Variants in EPB41L5 observed in about 807,000 individuals in gnomAD.
EPB41L5 encodes the protein band 4.1-like protein 5.
A neutral mutation model predicts 106.6 loss-of-function variants in EPB41L5; 55 were observed. That is an observed-to-expected ratio of 0.52 (90% CI 0.42 to 0.65). The LOEUF (loss-of-function observed/expected upper bound fraction) is 0.65, where lower values mean the gene tolerates loss of function less well. Among genes scored for constraint, EPB41L5 ranks in the 30% least tolerant of loss-of-function variants. EPB41L5 has a pLI of 0.00. For synonymous variants in EPB41L5, 297 were observed against 306.7 expected (o/e 0.97, Z 0.33); for missense variants, 871 against 882.1 (o/e 0.99, Z 0.16).
intron 1 of EPB41L5, among the ~76,000 whole-genome samples, chr2:120,018,343 A>G (rs998451588): frequency 6.6e-5 from 10 of 152,098 alleles, no homozygotes; most frequent in Admixed American, 4.6e-4. Flanking sequence ...GATGTTGTAC[A>G]TATAATTTAT....
At chr2:120,164,784 C>T in intron 21 of EPB41L5, 52 bp from the exon 22 acceptor site, 1 of 1,319,778 alleles carries the variant, frequency 7.6e-7, no homozygotes, top group Non-Finnish European at 1.1e-6. Flanking sequence ...AAAAACTTAA[C>T]ATCTGATGAT....
At chr2:120,021,744 A>C (rs1409643263) in intron 2 of EPB41L5, among the ~76,000 whole-genome samples, 1 of 152,220 alleles carries the variant, frequency 6.6e-6, no homozygotes, top group African/African-American at 2.4e-5. Flanking sequence ...GGCCTGTTTT[A>C]CTAAATTGTC....
chr2:120,067,318 A>T (rs1439567566), intron 3 of EPB41L5, among the ~76,000 whole-genome samples: 1 of 152,270 alleles, frequency 6.6e-6, no homozygotes, highest in Admixed American at 6.5e-5. Context: ...TGGCAAGAAA[A>T]GTAAACAGTT....
Position 120,091,563 on chromosome 2 carries a change from CAG to C in EPB41L5, c.1055_1056del (p.Glu352ValfsTer8). The stretch of plus-strand genomic sequence containing the variant: ...TGTTATGCCTCATTTAGTGGGAAAA[CAG>C]AGTATCAGACCACAAAAACCAATAA... On this transcript the variant is annotated frameshift_variant, in exon 13 of 25. Transcript: ENST00000263713. LOFTEE classifies it high-confidence loss of function. 6.2e-7 allele frequency: 1 copy of C among 1,613,028 alleles called. No individual in the cohort carries two copies. The highest frequency in any genetic ancestry group is 8.5e-7 in the Non-Finnish European group (1 of 1,179,368).
rs537746431 is a variant in EPB41L5 at position 120,054,112 on chromosome 2, A to G, written c.285+12002A>G. On this transcript the variant is annotated intron_variant, in intron 3 of 24. Transcript: ENST00000263713. ...GTTTAGCCATCCTAGTTGGTATGAA[A>G]TGGTGTCTCATTGTGGTTTCGATTT... Among the ~76,000 whole-genome samples the G allele has an allele frequency of 2.3e-4, 35 of 152,226 alleles. No individual in the cohort carries two copies. The South Asian group carries it at 6.6e-3, about 29-fold the overall frequency.
At chr2:120,165,564 T>C (rs886095038) in intron 22 of EPB41L5, among the ~76,000 whole-genome samples, 2 of 152,178 alleles carry the variant, frequency 1.3e-5, no homozygotes, top group African/African-American at 2.4e-5. Flanking sequence ...CATCCTTTTT[T>C]TCCCTCCAAA....
intron 2 of EPB41L5, among the ~76,000 whole-genome samples, chr2:120,040,719 A>C (rs950822043): frequency 5.3e-5 from 8 of 152,222 alleles, no homozygotes; most frequent in African/African-American, 1.9e-4. Flanking sequence ...AAGTATGTCT[A>C]TAAAACTTGA....
intron 20 of EPB41L5, among the ~76,000 whole-genome samples, chr2:120,151,511 T>A (rs920334262): frequency 6.6e-6 from 1 of 151,958 alleles, no homozygotes; most frequent in Non-Finnish European, 1.5e-5. Flanking sequence ...GGCAAAAGAC[T>A]TGTACACTGA....
chr2:120,113,130 C>T (rs1030256080), intron 16 of EPB41L5, among the ~76,000 whole-genome samples: 6 of 152,298 alleles, frequency 3.9e-5, no homozygotes, highest in Middle Eastern at 3.4e-3. Flanking sequence ...AGAATCAGGT[C>T]AGTTTTCATG....
intron 18 of EPB41L5, among the ~76,000 whole-genome samples, chr2:120,140,149 G>A (rs1383925320): frequency 6.6e-6 from 1 of 152,040 alleles, no homozygotes; most frequent in Non-Finnish European, 1.5e-5. Flanking sequence ...CAGATGGGAA[G>A]GGTAGTATGG....
chr2:120,118,072 G>A (rs760435839), intron 16 of EPB41L5, among the ~76,000 whole-genome samples: 1 of 152,112 alleles, frequency 6.6e-6, no homozygotes, highest in African/African-American at 2.4e-5. Flanking sequence ...GAATTTAATA[G>A]AGTTTTCCTC....
chr2:120,139,622 A>T (rs561451446), intron 18 of EPB41L5, among the ~76,000 whole-genome samples: 27 of 152,154 alleles, frequency 1.8e-4, no homozygotes, highest in Non-Finnish European at 2.6e-4. Context: ...TCAAAACTCC[A>T]GTGAGATATC....
At chr2:120,026,351 CTGTTTTTTTGTT>C (rs1417497366) in intron 2 of EPB41L5, among the ~76,000 whole-genome samples, 1 of 144,562 alleles carries the variant, frequency 6.9e-6, no homozygotes, top group East Asian at 2.0e-4. Context: ...GCACCACTTT[CTGTTTTTTTGTT>C]TGTTTGTTTG....
At chr2:120,099,996 T>C (rs1194652249) in intron 14 of EPB41L5, among the ~76,000 whole-genome samples, 1 of 152,182 alleles carries the variant, frequency 6.6e-6, no homozygotes, top group Non-Finnish European at 1.5e-5. Context: ...TAAAGCATGA[T>C]TAAAATATAG....
chr2:120,147,369 G>T (rs188390092), intron 20 of EPB41L5, among the ~76,000 whole-genome samples: 2 of 152,014 alleles, frequency 1.3e-5, no homozygotes, highest in Admixed American at 1.3e-4. Context: ...GGGCCAGGCC[G>T]TGGTGGCTCA....
chr2:120,170,266 C>CTT (rs1165423997), intron 24 of EPB41L5, among the ~76,000 whole-genome samples: 2 of 152,232 alleles, frequency 1.3e-5, no homozygotes, highest in African/African-American at 4.8e-5. Context: ...TACCACAAAA[C>CTT]TTAGCAGCTT....
intron 16 of EPB41L5, among the ~76,000 whole-genome samples, chr2:120,125,857 G>A (rs768601764): frequency 2.6e-5 from 4 of 152,132 alleles, no homozygotes; most frequent in East Asian, 3.9e-4. Context: ...GTTAGAAGTC[G>A]AAGGGCAAGG....
chr2:120,156,241 G>A (rs1285356389), intron 20 of EPB41L5, among the ~76,000 whole-genome samples: 3 of 152,134 alleles, frequency 2.0e-5, no homozygotes, highest in African/African-American at 7.2e-5. Context: ...CAGGACCCCA[G>A]CCTGGCCATA....
At position 120,104,973 on chromosome 2, in the gene EPB41L5, A is replaced by G. The variant is rs111826720; in HGVS notation, c.1337+4159A>G. 728 of 984,136 alleles carry G rather than the reference A, an allele frequency of 7.4e-4. 2 individuals are homozygous for G. The African/African-American group carries it at 8.8e-3, about 12-fold the overall frequency. The allele number at this position is 984,136 out of a possible 1,614,324, so 61.0% of individuals were successfully genotyped here. A position where few individuals can be genotyped will look rare whatever the true frequency, so the allele number is the denominator to read the frequency against. ...ACATTACTACTGAATGGTTCTATAA[A>G]ATGAAAAACATATTTACTTTGTCTT... On this transcript the variant is annotated intron_variant, in intron 16 of 24. Coordinates refer to ENST00000263713, the MANE Select transcript of EPB41L5 (RefSeq NM_020909.4).
Sources: gnomAD v4.1 joint callset for allele counts (sites outside exome capture counted in the v4.1 genomes callset) on GRCh38, gnomAD v4.1.1 for gene constraint, MANE v1.5 for transcripts, NCBI Gene and HGNC (gene_info 2026-07-23, HGNC 2026-07-21) for gene names.